The following FTSJ3 variants were observed in gnomAD, a reference collection of about 807,000 sequenced individuals.
The protein encoded by FTSJ3 is FtsJ RNA 2'-O-methyltransferase 3.
A neutral mutation model predicts 111.5 loss-of-function variants in FTSJ3; 46 were observed. The observed-to-expected ratio is 0.41, with a 90% CI of 0.33 to 0.53. The LOEUF (loss-of-function observed/expected upper bound fraction) is 0.53, where lower values mean the gene tolerates loss of function less well. FTSJ3 is among the 20% of genes least tolerant of loss of function. The pLI, the probability that FTSJ3 is intolerant of heterozygous loss-of-function variation, is 0.19. For missense variants in FTSJ3, 1,075 were observed against 1,063.8 expected (o/e 1.01, Z -0.15); for synonymous variants, 408 against 383.0 (o/e 1.07, Z -0.76).
At position 63,821,060 on chromosome 17, in the gene FTSJ3, C is replaced by G. The variant is rs762933027; in HGVS notation, c.1942G>C (p.Gly648Arg). The G allele has an allele frequency of 1.2e-6, 2 of 1,614,068 alleles. No individual in the cohort carries two copies. ...TCCTCAATAGGCACTATCTCAAACC[C>G]GTCATCATCTGACTTAGGCCCACGG... ...RSRGPKSDDD[G>R]FEIVPIEDPA... Residue 648 changes from glycine to arginine, a missense_variant, in exon 17 of 21, where the codon GGG (glycine) becomes CGG (arginine). Gly to Arg is a moderately radical substitution (Grantham distance 125). Coordinates refer to ENST00000427159, the MANE Select transcript of FTSJ3 (RefSeq NM_017647.4).
intron 5 of FTSJ3, 144 bp from the exon 6 acceptor site, chr17:63,825,779 G>T: frequency 1.5e-6 from 1 of 689,494 alleles, no homozygotes; most frequent in African/African-American, 1.8e-5. Flanking sequence ...AACAAAAACA[G>T]TATGTCTCTA....
intron 12 of FTSJ3, 43 bp downstream of exon 12, chr17:63,824,041 C>T: frequency 1.2e-6 from 2 of 1,613,964 alleles, no homozygotes; most frequent in South Asian, 1.1e-5. Context: ...TTCACACAGT[C>T]CCTGCGTTGG....
intron 13 of FTSJ3, chr17:63,823,510 G>GT (rs1423812043): frequency 1.2e-5 from 3 of 246,760 alleles, no homozygotes; most frequent in Non-Finnish European, 1.6e-5. Flanking sequence ...CAGGAGAATG[G>GT]TGTGAACCTG....
At chr17:63,823,631 C>T in intron 13 of FTSJ3, 186 bp downstream of exon 13, 1 of 643,830 alleles carries the variant, frequency 1.6e-6, no homozygotes, top group Non-Finnish European at 2.7e-6. Context: ...ACTCATCTAT[C>T]TACCTAACTC....
intron 18 of FTSJ3, 28 bp downstream of exon 18, chr17:63,820,811 A>G (rs2040042258): frequency 6.5e-7 from 1 of 1,527,324 alleles, no homozygotes; most frequent in Non-Finnish European, 9.1e-7. Flanking sequence ...ACCCTGGGTC[A>G]CTCTTGATGA....
At position 63,822,212 on chromosome 17, in the gene FTSJ3, A is replaced by G. The variant is rs1411781484; in HGVS notation, c.1291-44T>C. ...AAAGGTAAACTATTTAAAAGGAAAT[A>G]TACTGTTTTTTTTTCTGTGTCCCTC... On this transcript the variant is annotated intron_variant, in intron 13 of 20. Transcript: ENST00000427159. 1.3e-5 allele frequency: 20 copies of G among 1,561,186 alleles called. 1 individual carries two copies. The highest frequency in any genetic ancestry group is 1.6e-5 in the Non-Finnish European group (18 of 1,140,072).
At chr17:63,826,815 A>G in intron 2 of FTSJ3, 21 bp downstream of exon 2, 1 of 1,612,646 alleles carries the variant, frequency 6.2e-7, no homozygotes, top group Non-Finnish European at 8.5e-7. Flanking sequence ...TCGCTCGCAG[A>G]CTGAGCGAAT....
In FTSJ3 at chr17:63,824,364, T is replaced by C; in HGVS notation, c.965A>G (p.Lys322Arg). 1 of 1,614,222 alleles carries C rather than the reference T, an allele frequency of 6.2e-7. No individual in the cohort carries two copies. The highest frequency in any genetic ancestry group is 1.3e-5 in the African/African-American group (1 of 75,050). ...CAGTGCCTTTGCTTGTTCTTTCAGC[T>C]TCTTGGCCACATATCGCCGAAGTTT... ...RTKLRRYVAK[K>R]LKEQAKALDI... Residue 322 changes from lysine to arginine, a missense_variant, in exon 11 of 21, where the codon AAG becomes AGG. Lys to Arg is a conservative substitution (Grantham distance 26). Transcript: ENST00000427159.
At position 63,821,747 on chromosome 17, in the gene FTSJ3, T is replaced by C. The variant is rs1303109922; in HGVS notation, c.1572A>G (p.Glu524=). The C allele has an allele frequency of 6.2e-7, 1 of 1,614,184 alleles. No individual in the cohort carries two copies. Among genetic ancestry groups the C allele is most frequent in the Non-Finnish European group, 8.5e-7 (1 of 1,180,016 alleles). Residue 524 remains glutamate, a synonymous_variant, in exon 15 of 21, where the codon GAA becomes GAG. Transcript: ENST00000427159. The part of the protein sequence containing the change: ...PLEEKAVLQE[E]QANLWFSKGS... ...CCTTTGAGAACCACAGGTTGGCTTG[T>C]TCTTCCTGCAGTACTGCCTTTTCCT...
At chr17:63,826,169 T>C (rs1319578493) in intron 4 of FTSJ3, 34 bp from the exon 5 acceptor site, 2 of 1,612,264 alleles carry the variant, frequency 1.2e-6, no homozygotes, top group Non-Finnish European at 1.7e-6. Flanking sequence ...TTCTAAAAGG[T>C]TGCTTCAAGC....
intron 3 of FTSJ3, 41 bp from the exon 4 acceptor site, chr17:63,826,345 T>G: frequency 6.3e-7 from 1 of 1,595,138 alleles, no homozygotes; most frequent in Non-Finnish European, 8.6e-7. Flanking sequence ...GAGCCATCCT[T>G]TTCCCCCTCT....
In FTSJ3 at chr17:63,827,367, C is replaced by G; in HGVS notation, c.-342G>C. On this transcript the variant is annotated 5_prime_UTR_variant, in exon 1 of 21. Coordinates refer to ENST00000427159, the MANE Select transcript of FTSJ3 (RefSeq NM_017647.4). Reference sequence around the variant, plus strand: ...CATCATGGTTCCCTTAGTGTGGTCTCGCCGCACACCCCGCCCATTGACCCG... The same window carrying G: ...CATCATGGTTCCCTTAGTGTGGTCTGGCCGCACACCCCGCCCATTGACCCG... 1 of 1,371,440 alleles carries G rather than the reference C, an allele frequency of 7.3e-7. No individual in the cohort carries two copies. The highest frequency in any genetic ancestry group is 1.0e-6 in the Non-Finnish European group (1 of 989,726). The allele number at this position is 1,371,440 out of a possible 1,614,324, so 85.0% of individuals were successfully genotyped here.
At position 63,826,128 on chromosome 17, in the gene FTSJ3, G is replaced by A. The variant is rs1249778003; in HGVS notation, c.228C>T (p.Asp76=). 5.0e-6 allele frequency: 8 copies of A among 1,613,948 alleles called. No individual in the cohort carries two copies. Among genetic ancestry groups the A allele is most frequent in the Non-Finnish European group, 6.8e-6 (8 of 1,179,816 alleles). ...MPVSSLIVGV[D]LVPIKPLPNV... is the part of the protein sequence containing the mutation. The stretch of plus-strand genomic sequence containing the variant: ...TGGGGAGAGGCTTGATTGGAACCAG[G>A]TCCACTCCTGGAAGAAATCAGGTCA... The change falls in exon 5 of 21, where the codon GAC becomes GAT. Residue 76 remains aspartate, a synonymous_variant. Transcript: ENST00000427159.
In FTSJ3 at chr17:63,825,434, G is replaced by A. The variant is rs1206909837; in HGVS notation, c.403C>T (p.His135Tyr). The A allele has an allele frequency of 6.2e-7, 1 of 1,614,102 alleles. No homozygotes were observed. The highest frequency in any genetic ancestry group is 1.1e-5 in the South Asian group (1 of 91,070). The change falls in exon 7 of 21, where the codon CAT becomes TAT. Residue 135 changes from histidine (H) to tyrosine (Y), a missense_variant and splice_region_variant. Physicochemically the swap from His to Tyr is moderately conservative, Grantham distance 83. Coordinates refer to ENST00000427159, the MANE Select transcript of FTSJ3 (RefSeq NM_017647.4). ...SWVHDAYSQA[H>Y]LTLMALRLAC... ...AAACGTAGAGCCATCAGTGTCAAAT[G>A]GGCTGTAGGATAGAGACAATTAGTT...
chr17:63,824,274 C>G, intron 11 of FTSJ3, 35 bp from the exon 12 acceptor site: 1 of 1,614,154 alleles, frequency 6.2e-7, no homozygotes, highest in Non-Finnish European at 8.5e-7. Context: ...GGTTATTTTC[C>G]CAGACTTTTC....
In FTSJ3 at chr17:63,824,116, T is replaced by G. The variant is rs758152035; in HGVS notation, c.1122A>C (p.Glu374Asp). 9 of 1,614,160 alleles carry G rather than the reference T, an allele frequency of 5.6e-6. No individual in the cohort carries two copies. The South Asian group carries it at 9.9e-5, about 18-fold the overall frequency. Residue 374 changes from glutamate to aspartate, a missense_variant, in exon 12 of 21, where the codon GAA becomes GAC. By Grantham distance (45) the Glu-to-Asp change is conservative. This residue lies in a region of FTSJ3 where 867 missense variants were observed against 796.9 expected (regional missense o/e 1.09). Transcript: ENST00000427159. ...ATTCCGCCACCTCCTGGGCCTTCAT[T>G]TCTGCCAAGGTCTGGTTCAGTTGTT... ...EEEQLNQTLAEMKAQEVAELK... is the reference protein window; with the variant it reads ...EEEQLNQTLADMKAQEVAELK...
At position 63,824,676 on chromosome 17, in the gene FTSJ3, C is replaced by T. The variant is rs769330844; in HGVS notation, c.878G>A (p.Cys293Tyr). ...CCCCAACACTCTGATGTCCTGACAG[C>T]ACACCCGTATGTCCTCAGTGGTAGC... ...HPATTEDIRVCCQDIRVLGRK... is the reference protein window; with the variant it reads ...HPATTEDIRVYCQDIRVLGRK... The change falls in exon 10 of 21, where the codon TGC becomes TAC. Residue 293 changes from cysteine (C) to tyrosine (Y), a missense_variant. Physicochemically the swap from Cys to Tyr is radical, Grantham distance 194. Transcript: ENST00000427159. 1.9e-6 allele frequency: 3 copies of T among 1,614,172 alleles called. No individual in the cohort carries two copies. The highest frequency in any genetic ancestry group is 2.2e-5 in the South Asian group (2 of 91,086).
Position 63,825,056 on chromosome 17 carries a change from T to G in FTSJ3, c.703A>C (p.Lys235Gln), listed in dbSNP as rs114060701. The change falls in exon 8 of 21, where the codon AAG becomes CAG. Residue 235 changes from lysine (K) to glutamine (Q), a missense_variant. This residue lies in a region of FTSJ3 where 867 missense variants were observed against 796.9 expected (regional missense o/e 1.09). Transcript: ENST00000427159. ...KTVTELVTKK[K>Q]PKAEGYAEGD... is the part of the protein sequence containing the mutation. ...CATTCCCCAAAACACACCTTTGGCTTCTTCTTAGTAACCAATTCAGTAACG... is the reference window on the plus strand; with the variant it reads ...CATTCCCCAAAACACACCTTTGGCTGCTTCTTAGTAACCAATTCAGTAACG... 141 of 1,613,832 alleles carry G rather than the reference T, an allele frequency of 8.7e-5. 1 individual carries two copies. The highest frequency in any genetic ancestry group is 4.9e-4 in the Middle Eastern group (3 of 6,062).
At position 63,826,040 on chromosome 17, in the gene FTSJ3, G is replaced by A. The variant is rs1265630777; in HGVS notation, c.300+16C>T. On this transcript the variant is annotated intron_variant, in intron 5 of 20. Transcript: ENST00000427159. ...TTTCCGTATAAAGGGGGAAGGAAGA[G>A]AGAGACTCCTATTACCTGCCTACAA... 1.3e-6 allele frequency: 2 copies of A among 1,583,792 alleles called. No homozygotes were observed. The highest frequency in any genetic ancestry group is 2.7e-5 in the African/African-American group (2 of 73,756).
Sources: gnomAD v4.1 joint callset for allele counts on GRCh38, gnomAD v4.1.1 for gene constraint, gnomAD v4.1.1 regional missense constraint, MANE v1.5 for transcripts, NCBI Gene and HGNC (gene_info 2026-07-23, HGNC 2026-07-21) for gene names.